Variants in RORA observed in about 807,000 individuals in gnomAD.
RORA encodes the protein nuclear receptor ROR-alpha.
Under a neutral mutation model 69.5 loss-of-function variants are expected in RORA, and 7 were observed. That is an observed-to-expected ratio of 0.10 (90% CI 0.06 to 0.19). The LOEUF (loss-of-function observed/expected upper bound fraction) is 0.19. Ranked by LOEUF, RORA falls within the 10% of genes least tolerant of loss-of-function variation. The probability of loss-of-function intolerance (pLI) is 1.00; values close to 1 mark genes in which losing one functional copy is unlikely to be tolerated. For synonymous variants in RORA, 261 were observed against 240.8 expected, an observed-to-expected ratio of 1.08 and a Z score of -0.78; for missense variants, 457 against 663.0, an observed-to-expected ratio of 0.69 and a Z score of 3.41.
At chr15:60,498,439 G>A (rs2065229032) in intron 10 of RORA, among the ~76,000 whole-genome samples, 1 of 152,190 alleles carries the variant, frequency 6.6e-6, no homozygotes, top group Admixed American at 6.5e-5. Context: ...TTTCGATAAG[G>A]AGTTTTGCCT....
In RORA at chr15:60,517,838, C is replaced by T. The variant is rs776106806; in HGVS notation, c.283-3081G>A. Among the ~76,000 whole-genome samples, 90 of 152,094 alleles carry T rather than the reference C, an allele frequency of 5.9e-4. 1 individual carries two copies. The highest frequency in any genetic ancestry group is 2.1e-4 in the Non-Finnish European group (14 of 68,026). The stretch of plus-strand genomic sequence containing the variant: ...CTGCTACAGTTTCTTGTGTGATCAC[C>T]GAATATGAGGAATGTCTGAATGATC... On this transcript the variant is annotated intron_variant, in intron 3 of 10. Transcript: ENST00000335670.
chr15:60,553,973 C>T (rs7165455), intron 2 of RORA, among the ~76,000 whole-genome samples: 3 of 152,140 alleles, frequency 2.0e-5, no homozygotes, highest in East Asian at 3.9e-4. Flanking sequence ...CTGTGAGGCC[C>T]CCTCACATAC....
intron 1 of RORA, among the ~76,000 whole-genome samples, chr15:60,866,473 G>A (rs1207123012): frequency 2.0e-5 from 3 of 152,148 alleles, no homozygotes; most frequent in Non-Finnish European, 4.4e-5. Flanking sequence ...ATCTTTTATT[G>A]TTCATAACAT....
At chr15:61,164,026 A>C (rs1168802869) in intron 1 of RORA, among the ~76,000 whole-genome samples, 1 of 151,796 alleles carries the variant, frequency 6.6e-6, no homozygotes, top group Non-Finnish European at 1.5e-5. Context: ...CAACCAAAAA[A>C]CCCCAAAGCA....
rs1555455758 is a variant in RORA at position 60,819,765 on chromosome 15, A to ACACACACACACACACGCG, written c.167-141080_167-141079insCGCGTGTGTGTGTGTGTG. Among the ~76,000 whole-genome samples the ACACACACACACACACGCG allele has an allele frequency of 2.3e-4, 29 of 124,448 alleles. No individual in the cohort carries two copies. The East Asian group carries it at 5.1e-3, about 22-fold the overall frequency. 81.6% of individuals were successfully genotyped at this position (124,448 alleles called of 152,430 possible). A position where few individuals can be genotyped will look rare whatever the true frequency, so the allele number is the denominator to read the frequency against. Reference sequence around the variant, plus strand: ...AACCCAGACACACACACACACACACACACACACACACACACACACACACAC... The same window carrying ACACACACACACACACGCG: ...AACCCAGACACACACACACACACACACACACACACACACACGCGCACACACACACACACACACACACAC... On this transcript the variant is annotated intron_variant, in intron 1 of 10. Coordinates refer to ENST00000335670, the MANE Select transcript of RORA (RefSeq NM_134261.3).
At chr15:61,206,819 A>G (rs1423343034) in intron 1 of RORA, among the ~76,000 whole-genome samples, 1 of 152,200 alleles carries the variant, frequency 6.6e-6, no homozygotes, top group African/African-American at 2.4e-5. Context: ...TTTACTAAAC[A>G]ATGGCCTGGC....
rs551426748 is a variant in RORA at position 60,843,163 on chromosome 15, C to T, written c.167-164477G>A. ...GGAAATGGAAGAAGGAACAACCTCG[C>T]TGGGCCACTTGGTGATTTGTTTTTT... On this transcript the variant is annotated intron_variant, in intron 1 of 10. Transcript: ENST00000335670. Among the ~76,000 whole-genome samples, 73 of 152,292 alleles carry T rather than the reference C, an allele frequency of 4.8e-4. No homozygotes were observed. The South Asian group carries it at 0.014, about 30-fold the overall frequency.
At chr15:61,168,331 C>T (rs972146501) in intron 1 of RORA, among the ~76,000 whole-genome samples, 1 of 151,932 alleles carries the variant, frequency 6.6e-6, no homozygotes, top group African/African-American at 2.4e-5. Context: ...TGGGTTCAAG[C>T]GATTCTCTTG....
intron 1 of RORA, among the ~76,000 whole-genome samples, chr15:61,042,887 C>T (rs1487676626): frequency 1.3e-5 from 2 of 152,198 alleles, no homozygotes; most frequent in South Asian, 2.1e-4. Flanking sequence ...CCCAGACTCT[C>T]CCCTTCTAAA....
intron 1 of RORA, among the ~76,000 whole-genome samples, chr15:60,692,518 A>G (rs994115086): frequency 2.6e-5 from 4 of 152,224 alleles, no homozygotes; most frequent in African/African-American, 9.6e-5. Flanking sequence ...AGAATGTGAG[A>G]GCACTGGGCA....
intron 1 of RORA, among the ~76,000 whole-genome samples, chr15:60,815,591 G>A (rs561063716): frequency 6.6e-6 from 1 of 152,006 alleles, no homozygotes; most frequent in Non-Finnish European, 1.5e-5. Flanking sequence ...AGCAGACCCA[G>A]CTTCCCCCAC....
intron 1 of RORA, among the ~76,000 whole-genome samples, chr15:60,720,784 G>A (rs752617477): frequency 2.6e-5 from 4 of 152,180 alleles, no homozygotes; most frequent in Non-Finnish European, 5.9e-5. Flanking sequence ...TCTATTGCCC[G>A]TAAGAATGAC....
chr15:61,078,696 C>T (rs1157729001), intron 1 of RORA, among the ~76,000 whole-genome samples: 1 of 152,072 alleles, frequency 6.6e-6, no homozygotes, highest in African/African-American at 2.4e-5. Context: ...CTCTTATACT[C>T]TATTAATGGC....
intron 1 of RORA, among the ~76,000 whole-genome samples, chr15:60,989,752 A>C (rs1894316371): frequency 6.6e-6 from 1 of 152,078 alleles, no homozygotes; most frequent in African/African-American, 2.4e-5. Flanking sequence ...AGGTCCATCC[A>C]CTATACTTAG....
chr15:61,159,010 C>T (rs2079470706), intron 1 of RORA, among the ~76,000 whole-genome samples: 1 of 152,128 alleles, frequency 6.6e-6, no homozygotes, highest in African/African-American at 2.4e-5. Context: ...TACGACTAGA[C>T]CTCAATAAAT....
intron 1 of RORA, among the ~76,000 whole-genome samples, chr15:60,797,810 C>A (rs1195677214): frequency 4.6e-5 from 7 of 152,152 alleles, no homozygotes; most frequent in Admixed American, 4.6e-4. Context: ...CAGCTAGGTA[C>A]TTCCTTCTCC....
At chr15:61,194,933 T>G (rs2079833448) in intron 1 of RORA, among the ~76,000 whole-genome samples, 1 of 151,508 alleles carries the variant, frequency 6.6e-6, no homozygotes, top group Non-Finnish European at 1.5e-5. Context: ...GAGAATTAAG[T>G]CAATGCAAGT....
At chr15:61,102,953 G>A (rs192857376) in intron 1 of RORA, among the ~76,000 whole-genome samples, 1 of 152,300 alleles carries the variant, frequency 6.6e-6, no homozygotes, top group African/African-American at 2.4e-5. Context: ...GAATATGAAT[G>A]TCTCTTAATT....
chr15:60,956,430 A>G (rs1353477727), intron 1 of RORA, among the ~76,000 whole-genome samples: 1 of 152,222 alleles, frequency 6.6e-6, no homozygotes, highest in Non-Finnish European at 1.5e-5. Context: ...CTGCTCACAG[A>G]GCAAGACCTG....
Sources: gnomAD v4.1 joint callset for allele counts (sites outside exome capture counted in the v4.1 genomes callset) on GRCh38, gnomAD v4.1.1 for gene constraint, MANE v1.5 for transcripts, NCBI Gene and HGNC (gene_info 2026-07-23, HGNC 2026-07-21) for gene names.